Variants in ELOVL4 observed in about 807,000 individuals in gnomAD.
ELOVL4 encodes the protein very long chain fatty acid elongase 4.
ELOVL4 carries 18 observed loss-of-function variants against 42.1 expected under a neutral mutation model. That is an observed-to-expected ratio of 0.43 (90% CI 0.30 to 0.63). The LOEUF is 0.63. Ranked by LOEUF, ELOVL4 falls within the 30% of genes least tolerant of loss-of-function variation. The pLI is 0.15. For synonymous variants in ELOVL4, 117 were observed against 127.0 expected, an observed-to-expected ratio of 0.92 and a Z score of 0.53; for missense variants, 299 against 376.2, an observed-to-expected ratio of 0.79 and a Z score of 1.70.
At chr6:79,932,570 C>T (rs1774466844) in intron 1 of ELOVL4, among the ~76,000 whole-genome samples, 1 of 151,228 alleles carries the variant, frequency 6.6e-6, no homozygotes, top group Non-Finnish European at 1.5e-5. Flanking sequence ...AAAATAGAGT[C>T]CACCTGAAAT....
At chr6:79,944,961 T>G (rs1582057929) in intron 1 of ELOVL4, among the ~76,000 whole-genome samples, 2 of 120,752 alleles carry the variant, frequency 1.7e-5, no homozygotes, top group Admixed American at 1.2e-4. Context: ...TGCTGAGAGG[T>G]GGAATCAGAG....
intron 1 of ELOVL4, among the ~76,000 whole-genome samples, chr6:79,933,493 A>AGT (rs2127700814): frequency 1.3e-5 from 2 of 152,170 alleles, no homozygotes; most frequent in South Asian, 4.2e-4. Flanking sequence ...AGCCTCCCAA[A>AGT]GTGCTGGGAT....
rs1421465260 is a variant in ELOVL4 at position 79,915,387 on chromosome 6, T to G, written c.*1221A>C. 6.6e-6 allele frequency: 1 copy of G among 152,608 alleles called. No homozygotes were observed. Among genetic ancestry groups the G allele is most frequent in the Non-Finnish European group, 1.5e-5 (1 of 67,998 alleles). 9.5% of individuals were successfully genotyped at this position (152,608 alleles called of 1,614,324 possible). A position where few individuals can be genotyped will look rare whatever the true frequency, so the allele number is the denominator to read the frequency against. Reference sequence around the variant, plus strand: ...TAACAACACCTTGTAACATCAAGCATTGAATTTAACAATCTTTAGCACCAA... The same window carrying G: ...TAACAACACCTTGTAACATCAAGCAGTGAATTTAACAATCTTTAGCACCAA... On this transcript the variant is annotated 3_prime_UTR_variant, in exon 6 of 6. Coordinates refer to ENST00000369816, the MANE Select transcript of ELOVL4 (RefSeq NM_022726.4).
At chr6:79,931,221 T>A (rs868714859) in intron 1 of ELOVL4, among the ~76,000 whole-genome samples, 9 of 152,310 alleles carry the variant, frequency 5.9e-5, no homozygotes, top group Middle Eastern at 6.8e-3. Context: ...TACCTTCATG[T>A]GTTAATAAAT....
At position 79,947,551 on chromosome 6, in the gene ELOVL4, T is replaced by C. The variant is rs1774775338; in HGVS notation, c.-272A>G. 5 of 424,104 alleles carry C rather than the reference T, an allele frequency of 1.2e-5. No individual in the cohort carries two copies. In the East Asian group the frequency reaches 2.6e-4, roughly 22 times the overall value. 26.3% of individuals were successfully genotyped at this position (424,104 alleles called of 1,614,324 possible). On this transcript the variant is annotated 5_prime_UTR_variant, in exon 1 of 6. Transcript: ENST00000369816. ...GCCAGCACAGTGCGCTGCACCAGTC[T>C]GCAGCCTCGCGCAGCCGCCCCTCCA...
rs772711645 is a variant in ELOVL4 at position 79,916,844 on chromosome 6, G to A, written c.709C>T (p.Leu237Phe). Reference protein sequence around the residue: ...HVTIGHTALSLYTDCPFPKWM... With the variant: ...HVTIGHTALSFYTDCPFPKWM... ...TTGGGGAAGGGGCAGTCAGTGTAAA[G>A]AGACAGTGCCGTGTGCCCAATGGTC... The change falls in exon 6 of 6, where the codon CTT (leucine) becomes TTT (phenylalanine). Residue 237 changes from leucine to phenylalanine, a missense_variant. Physicochemically the swap from Leu to Phe is conservative, Grantham distance 22. Transcript: ENST00000369816. 1.2e-6 allele frequency: 2 copies of A among 1,614,212 alleles called. No homozygotes were observed. The highest frequency in any genetic ancestry group is 1.7e-6 in the Non-Finnish European group (2 of 1,180,032).
At chr6:79,925,147 A>C in intron 2 of ELOVL4, 115 bp from the exon 3 acceptor site, 1 of 710,188 alleles carries the variant, frequency 1.4e-6, no homozygotes, top group East Asian at 2.7e-5. Context: ...TTTTCTTTAA[A>C]AATTTCAAAT....
chr6:79,916,606 A>AT lies in ELOVL4; in HGVS notation c.*1dup. ...TCAACAACAGTTAAGGCCCAGTTCA[A>AT]TTTAATCTCCTTTTGCTTTTCCATT... On this transcript the variant is annotated 3_prime_UTR_variant, in exon 6 of 6. Coordinates refer to ENST00000369816, the MANE Select transcript of ELOVL4 (RefSeq NM_022726.4). 1 of 1,613,624 alleles carries AT rather than the reference A, an allele frequency of 6.2e-7. No homozygotes were observed. The highest frequency in any genetic ancestry group is 8.5e-7 in the Non-Finnish European group (1 of 1,179,952).
chr6:79,937,745 T>C (rs1774570830), intron 1 of ELOVL4, among the ~76,000 whole-genome samples: 1 of 152,212 alleles, frequency 6.6e-6, no homozygotes, highest in Non-Finnish European at 1.5e-5. Context: ...TTGATCCTAT[T>C]CCAACTCTGT....
chr6:79,928,517 A>G (rs974257444), intron 1 of ELOVL4, among the ~76,000 whole-genome samples: 10 of 152,130 alleles, frequency 6.6e-5, no homozygotes, highest in Non-Finnish European at 1.0e-4. Context: ...ACAGTGTGGT[A>G]TGCTGTATCG....
intron 1 of ELOVL4, among the ~76,000 whole-genome samples, chr6:79,934,081 T>C (rs1175767102): frequency 6.6e-6 from 1 of 152,154 alleles, no homozygotes; most frequent in Admixed American, 6.5e-5. Flanking sequence ...TTGGGACAGC[T>C]AGGTGGAGGC....
At position 79,947,535 on chromosome 6, in the gene ELOVL4, G is replaced by C. The variant is rs908979304; in HGVS notation, c.-256C>G. ...TGGAGGAGGCCCAGCCGCCAGCACAGTGCGCTGCACCAGTCTGCAGCCTCG... is the reference window on the plus strand; with the variant it reads ...TGGAGGAGGCCCAGCCGCCAGCACACTGCGCTGCACCAGTCTGCAGCCTCG... On this transcript the variant is annotated 5_prime_UTR_variant, in exon 1 of 6. Coordinates refer to ENST00000369816, the MANE Select transcript of ELOVL4 (RefSeq NM_022726.4). The C allele has an allele frequency of 1.2e-5, 6 of 512,508 alleles. No homozygotes were observed. Among genetic ancestry groups the C allele is most frequent in the African/African-American group, 2.0e-5 (1 of 50,924 alleles). The allele number at this position is 512,508 out of a possible 1,614,324, so 31.7% of individuals were successfully genotyped here. A position where few individuals can be genotyped will look rare whatever the true frequency, so the allele number is the denominator to read the frequency against.
intron 1 of ELOVL4, among the ~76,000 whole-genome samples, chr6:79,940,147 A>G (rs1774622525): frequency 1.3e-5 from 2 of 152,206 alleles, no homozygotes; most frequent in South Asian, 4.1e-4. Flanking sequence ...TGAAAACAGA[A>G]AAGCTTGTTT....
intron 1 of ELOVL4, among the ~76,000 whole-genome samples, chr6:79,932,842 T>C (rs1437703918): frequency 2.6e-5 from 4 of 152,024 alleles, no homozygotes; most frequent in Admixed American, 1.3e-4. Context: ...TTATGAACAG[T>C]GGTAGGACAG....
In ELOVL4 at chr6:79,931,195, CTTA is replaced by C. The variant is rs543900088; in HGVS notation, c.101-4817_101-4815del. On this transcript the variant is annotated intron_variant, in intron 1 of 5. Coordinates refer to ENST00000369816, the MANE Select transcript of ELOVL4 (RefSeq NM_022726.4). ...TTTTATATTTTATACTATTAATATG[CTTA>C]TTAACATGTTTGTACCTTCATGTGT... Among the ~76,000 whole-genome samples, 17 of 152,152 alleles carry C rather than the reference CTTA, an allele frequency of 1.1e-4. No individual in the cohort carries two copies. In the South Asian group the frequency reaches 2.5e-3, roughly 22 times the overall value.
At position 79,927,953 on chromosome 6, in the gene ELOVL4, C is replaced by T. The variant is rs527817356; in HGVS notation, c.101-1572G>A. Among the ~76,000 whole-genome samples the T allele has an allele frequency of 5.3e-5, 8 of 152,112 alleles. No individual in the cohort carries two copies. The East Asian group carries it at 9.7e-4, about 18-fold the overall frequency. ...GCACGGCTGACTTTTGTTAAAAAGG[C>T]GTTGTGCCACGAAGGTCTTATCAGT... On this transcript the variant is annotated intron_variant, in intron 1 of 5. Coordinates refer to ENST00000369816, the MANE Select transcript of ELOVL4 (RefSeq NM_022726.4).
chr6:79,916,281 T>C lies in ELOVL4; in HGVS notation c.*327A>G, dbSNP rs1001220828. 51 of 255,898 alleles carry C rather than the reference T, an allele frequency of 2.0e-4. No individual in the cohort carries two copies. The highest frequency in any genetic ancestry group is 5.3e-5 in the Non-Finnish European group (7 of 132,556). The allele number at this position is 255,898 out of a possible 1,614,324, so 15.9% of individuals were successfully genotyped here. ...ATCGTCTAAAATTCAGACCGAAGAA[T>C]GAGTGACTATAAGATACATGAAAAA... On this transcript the variant is annotated 3_prime_UTR_variant, in exon 6 of 6. Coordinates refer to ENST00000369816, the MANE Select transcript of ELOVL4 (RefSeq NM_022726.4).
At chr6:79,938,536 T>C (rs1033291026) in intron 1 of ELOVL4, among the ~76,000 whole-genome samples, 1 of 152,256 alleles carries the variant, frequency 6.6e-6, no homozygotes, top group African/African-American at 2.4e-5. Flanking sequence ...AATACTTTCA[T>C]AATTCACTTT....
rs1469055254 is a variant in ELOVL4 at position 79,921,774 on chromosome 6, T to C, written c.392A>G (p.Tyr131Cys). The C allele has an allele frequency of 1.9e-6, 3 of 1,614,036 alleles. No individual in the cohort carries two copies. The highest frequency in any genetic ancestry group is 3.3e-5 in the Admixed American group (2 of 60,020). Residue 131 changes from tyrosine (Y) to cysteine (C), a missense_variant, in exon 4 of 6, where the codon TAC becomes TGC. Transcript: ENST00000369816. Reference protein sequence around the residue: ...EVRIAAALWWYFVSKGVEYLD... With the variant: ...EVRIAAALWWCFVSKGVEYLD... ...ATACTCAACTCCTTTAGATACAAAG[T>C]ACCACCACAGAGCAGCAGCTATCTG... is the stretch of plus-strand genomic sequence containing the variant.
Sources: allele counts gnomAD v4.1 joint callset (sites outside exome capture counted in the v4.1 genomes callset), GRCh38; gene constraint gnomAD v4.1.1; transcripts MANE v1.5; gene names NCBI Gene and HGNC (gene_info 2026-07-23, HGNC 2026-07-21).